Variants in TSC22D1 observed in about 807,000 individuals in gnomAD.
The protein encoded by TSC22D1 is TSC22 domain family member 1.
TSC22D1 carries 9 observed loss-of-function variants against 74.2 expected under a neutral mutation model. That is an observed-to-expected ratio of 0.12 (90% CI 0.07 to 0.21). The LOEUF is 0.21. TSC22D1 is among the 10% of genes least tolerant of loss of function. TSC22D1 has a pLI of 1.00. For synonymous variants in TSC22D1, 586 were observed against 492.5 expected (o/e 1.19, Z -2.51); for missense variants, 1,427 against 1,304.7 (o/e 1.09, Z -1.44).
intron 1 of TSC22D1, chr13:44,538,480 C>G (rs1362892903): frequency 1.0e-6 from 1 of 985,184 alleles, no homozygotes; most frequent in African/African-American, 1.7e-5. Flanking sequence ...AAAATGTTTG[C>G]CTACTTCATT....
intron 1 of TSC22D1, among the ~76,000 whole-genome samples, chr13:44,458,313 C>A (rs1177376580): frequency 6.6e-6 from 1 of 152,210 alleles, no homozygotes; most frequent in Non-Finnish European, 1.5e-5. Context: ...GACTTTAGTG[C>A]AGCTTTTTAA....
chr13:44,459,955 G>A (rs1348332899), intron 1 of TSC22D1, among the ~76,000 whole-genome samples: 1 of 152,166 alleles, frequency 6.6e-6, no homozygotes, highest in Non-Finnish European at 1.5e-5. Flanking sequence ...TAGCACAAGC[G>A]GAGAGCAGCC....
At chr13:44,561,422 T>C (rs1162934476) in intron 1 of TSC22D1, among the ~76,000 whole-genome samples, 2 of 152,212 alleles carry the variant, frequency 1.3e-5, no homozygotes, top group Admixed American at 1.3e-4. Context: ...GAGCCCTCCA[T>C]TCCATGTCCA....
chr13:44,479,298 A>C (rs1365496471), intron 1 of TSC22D1, among the ~76,000 whole-genome samples: 1 of 151,836 alleles, frequency 6.6e-6, no homozygotes, highest in Admixed American at 6.6e-5. Flanking sequence ...GAACTTTCTT[A>C]AAACAGTATG....
At chr13:44,503,070 T>C (rs1039816088) in intron 1 of TSC22D1, among the ~76,000 whole-genome samples, 4 of 152,258 alleles carry the variant, frequency 2.6e-5, no homozygotes, top group African/African-American at 9.6e-5. Context: ...TTCAAATAGG[T>C]GTGACTAGCT....
intron 1 of TSC22D1, among the ~76,000 whole-genome samples, chr13:44,500,064 G>A (rs1879155015): frequency 1.3e-5 from 2 of 150,460 alleles, no homozygotes; most frequent in South Asian, 4.2e-4. Context: ...CTCCAGCCTG[G>A]GTGACAAGAG....
At chr13:44,484,378 G>A (rs1018664124) in intron 1 of TSC22D1, among the ~76,000 whole-genome samples, 1 of 152,168 alleles carries the variant, frequency 6.6e-6, no homozygotes, top group South Asian at 2.1e-4. Context: ...TGACAAGCAA[G>A]GGAACACAGT....
chr13:44,552,942 C>T (rs533724767), intron 1 of TSC22D1, among the ~76,000 whole-genome samples: 7 of 152,094 alleles, frequency 4.6e-5, no homozygotes, highest in African/African-American at 7.2e-5. Context: ...GAGCCGCGAT[C>T]GTGCCACTGC....
intron 1 of TSC22D1, among the ~76,000 whole-genome samples, chr13:44,489,507 A>T (rs138081076): frequency 6.3e-4 from 95 of 151,962 alleles, no homozygotes; most frequent in African/African-American, 2.2e-3. Flanking sequence ...TCAATAATAA[A>T]AAAAAAAGAC....
intron 1 of TSC22D1, among the ~76,000 whole-genome samples, chr13:44,526,395 A>G (rs370924113): frequency 4.6e-5 from 7 of 152,188 alleles, no homozygotes; most frequent in African/African-American, 1.7e-4. Context: ...AAAAGAATGC[A>G]TATTACCAGA....
intron 1 of TSC22D1, among the ~76,000 whole-genome samples, chr13:44,466,474 A>T (rs1877290961): frequency 6.6e-6 from 1 of 152,232 alleles, no homozygotes; most frequent in Admixed American, 6.5e-5. Flanking sequence ...TATTTTAAAA[A>T]TACAGATTCC....
At chr13:44,556,835 G>T (rs188340204) in intron 1 of TSC22D1, among the ~76,000 whole-genome samples, 60 of 151,946 alleles carry the variant, frequency 3.9e-4, no homozygotes, top group Middle Eastern at 3.4e-3. Flanking sequence ...CACCTCTGAA[G>T]ACCTAATGCA....
At chr13:44,440,964 G>T (rs764290264) in intron 1 of TSC22D1, among the ~76,000 whole-genome samples, 1 of 152,204 alleles carries the variant, frequency 6.6e-6, no homozygotes, top group Non-Finnish European at 1.5e-5. Context: ...TGAGAGAAAA[G>T]AGTTTTTTTA....
At chr13:44,510,070 A>G (rs1282320841) in intron 1 of TSC22D1, among the ~76,000 whole-genome samples, 1 of 151,664 alleles carries the variant, frequency 6.6e-6, no homozygotes, top group African/African-American at 2.4e-5. Flanking sequence ...ACTTGTCAGC[A>G]TATATTAGGA....
intron 1 of TSC22D1, among the ~76,000 whole-genome samples, chr13:44,470,182 G>C (rs1379427457): frequency 6.6e-6 from 1 of 151,796 alleles, no homozygotes; most frequent in Non-Finnish European, 1.5e-5. Context: ...TTAATGAAGG[G>C]AACAAATATG....
intron 1 of TSC22D1, chr13:44,436,450 TA>T: frequency 6.3e-7 from 1 of 1,583,870 alleles, no homozygotes; most frequent in African/African-American, 1.4e-5. Flanking sequence ...TCACCTGTAT[TA>T]TTATAAGTAT....
chr13:44,436,991 A>AC lies in TSC22D1; in HGVS notation c.2913-897dup, dbSNP rs1446149238. The AC allele has an allele frequency of 3.3e-6, 3 of 897,544 alleles. No homozygotes were observed. In the South Asian group the frequency reaches 1.6e-4, roughly 48 times the overall value. 55.6% of individuals were successfully genotyped at this position (897,544 alleles called of 1,614,324 possible). A position where few individuals can be genotyped will look rare whatever the true frequency, so the allele number is the denominator to read the frequency against. On this transcript the variant is annotated intron_variant, in intron 1 of 2. Transcript: ENST00000458659. ...TGCTTCCCCGCCTCCCCCCACCCCC[A>AC]CCTCCGCCCCCATTCTCCAGATCCC...
At position 44,575,859 on chromosome 13, in the gene TSC22D1, A is replaced by C. The variant is rs1292290805; in HGVS notation, c.216T>G (p.Ser72=). Residue 72 remains serine, a synonymous_variant, in exon 1 of 3, where the codon TCT becomes TCG. Transcript: ENST00000458659. ...SLLQPPPPAA[S]STSGPQPPPP... Reference sequence around the variant, plus strand: ...GCGGAGGCTGTGGTCCCGACGTAGAAGATGCTGCAGGGGGCGGCGGCTGAA... The same window carrying C: ...GCGGAGGCTGTGGTCCCGACGTAGACGATGCTGCAGGGGGCGGCGGCTGAA... 6.2e-7 allele frequency: 1 copy of C among 1,614,034 alleles called. No homozygotes were observed.
intron 1 of TSC22D1, among the ~76,000 whole-genome samples, chr13:44,564,494 T>C (rs980223720): frequency 2.6e-5 from 4 of 152,144 alleles, no homozygotes; most frequent in Non-Finnish European, 4.4e-5. Flanking sequence ...TGAGATGGCA[T>C]AGGGGATATT....
Sources: allele counts gnomAD v4.1 joint callset (sites outside exome capture counted in the v4.1 genomes callset), GRCh38; gene constraint gnomAD v4.1.1; transcripts MANE v1.5; gene names NCBI Gene and HGNC (gene_info 2026-07-23, HGNC 2026-07-21).